Variants in CHODL observed in about 807,000 individuals in gnomAD.
CHODL encodes the protein chondrolectin.
A neutral mutation model predicts 34.5 loss-of-function variants in CHODL; 29 were observed. That is an observed-to-expected ratio of 0.84 (90% CI 0.63 to 1.15). The LOEUF is 1.15. Among genes scored for constraint, CHODL ranks in the 50% most tolerant of loss-of-function variants. The pLI, the probability that CHODL is intolerant of heterozygous loss-of-function variation, is 0.00. For missense variants in CHODL, 332 were observed against 332.5 expected (o/e 1.00, Z 0.01); for synonymous variants, 125 against 116.1 (o/e 1.08, Z -0.49).
At chr21:18,074,143 T>C (rs1475947695) in intron 2 of CHODL, among the ~76,000 whole-genome samples, 2 of 152,130 alleles carry the variant, frequency 1.3e-5, no homozygotes, top group African/African-American at 4.8e-5. Context: ...ATTGATTATA[T>C]AGAAAATAGC....
At chr21:17,949,373 T>C (rs1421036193) in intron 1 of CHODL, among the ~76,000 whole-genome samples, 1 of 152,174 alleles carries the variant, frequency 6.6e-6, no homozygotes, top group Non-Finnish European at 1.5e-5. Flanking sequence ...ACATGTTAAA[T>C]GTGTATTTGA....
chr21:17,932,337 A>G (rs111944324), intron 1 of CHODL, among the ~76,000 whole-genome samples: 4,555 of 152,274 alleles, frequency 0.03, 190 homozygotes, highest in African/African-American at 0.095. Context: ...AGAAAAGGGA[A>G]CACTTATACA....
intron 2 of CHODL, among the ~76,000 whole-genome samples, chr21:18,143,344 A>T (rs1222294416): frequency 6.6e-6 from 1 of 152,178 alleles, no homozygotes; most frequent in Non-Finnish European, 1.5e-5. Context: ...TTTCTCCAAT[A>T]TCTATTTTTC....
At chr21:18,080,636 G>T (rs377700505) in intron 2 of CHODL, among the ~76,000 whole-genome samples, 7 of 152,094 alleles carry the variant, frequency 4.6e-5, no homozygotes, top group Admixed American at 1.3e-4. Context: ...AGATCAGTTG[G>T]TTGTAGGTAT....
At chr21:18,143,580 C>T (rs542376441) in intron 2 of CHODL, among the ~76,000 whole-genome samples, 20 of 152,162 alleles carry the variant, frequency 1.3e-4, no homozygotes, top group African/African-American at 4.1e-4. Context: ...GTGTTACTTT[C>T]GGCAATTTAC....
At chr21:18,027,360 A>G (rs972932744) in intron 1 of CHODL, among the ~76,000 whole-genome samples, 17 of 152,206 alleles carry the variant, frequency 1.1e-4, no homozygotes, top group African/African-American at 3.9e-4. Flanking sequence ...TTATTAAACT[A>G]AATAGGTATG....
chr21:17,950,855 C>G (rs2063451276), intron 1 of CHODL, among the ~76,000 whole-genome samples: 1 of 152,016 alleles, frequency 6.6e-6, no homozygotes, highest in Admixed American at 6.6e-5. Context: ...GGAAAAAAGT[C>G]TGAAAAAGAG....
At chr21:18,047,425 T>G (rs1600934818) in intron 2 of CHODL, among the ~76,000 whole-genome samples, 1 of 151,932 alleles carries the variant, frequency 6.6e-6, no homozygotes, top group South Asian at 2.1e-4. Context: ...ATATATATTT[T>G]TATATTAAAA....
intron 2 of CHODL, among the ~76,000 whole-genome samples, chr21:18,069,539 A>AATATATATATATATATATATGGAAT (rs71318122): frequency 2.0e-5 from 3 of 147,512 alleles, no homozygotes; most frequent in Non-Finnish European, 4.5e-5. Context: ...ATATATGTGG[A>AATATATATATATATATATATGGAAT]ATATATATAT....
At chr21:17,958,118 C>G (rs2063506409) in intron 1 of CHODL, among the ~76,000 whole-genome samples, 1 of 152,030 alleles carries the variant, frequency 6.6e-6, no homozygotes, top group African/African-American at 2.4e-5. Flanking sequence ...GGCACATTTC[C>G]TGTCATTGTT....
At chr21:17,980,115 A>T (rs1378573922) in intron 1 of CHODL, among the ~76,000 whole-genome samples, 3 of 135,554 alleles carry the variant, frequency 2.2e-5, no homozygotes, top group Admixed American at 7.7e-5. Context: ...TTTGGTCTGG[A>T]GACAAAAATC....
intron 3 of CHODL, among the ~76,000 whole-genome samples, chr21:18,258,472 GTATTA>G (rs1220426416): frequency 7.6e-6 from 1 of 131,544 alleles, no homozygotes; most frequent in African/African-American, 2.4e-5. Flanking sequence ...ACCCTTCATT[GTATTA>G]TATTTATTTT....
At chr21:17,925,704 ATTCC>A (rs1212816762) in intron 1 of CHODL, among the ~76,000 whole-genome samples, 1 of 152,192 alleles carries the variant, frequency 6.6e-6, no homozygotes, top group Non-Finnish European at 1.5e-5. Flanking sequence ...GATTTGGATG[ATTCC>A]TATTTTTGTT....
chr21:17,966,277 C>T (rs1432784781), intron 1 of CHODL, among the ~76,000 whole-genome samples: 1 of 152,080 alleles, frequency 6.6e-6, no homozygotes, highest in African/African-American at 2.4e-5. Context: ...TTCTTTCTAA[C>T]AGATTGTGGA....
chr21:18,127,506 T>C (rs2065560956), intron 2 of CHODL, among the ~76,000 whole-genome samples: 1 of 152,100 alleles, frequency 6.6e-6, no homozygotes, highest in South Asian at 2.1e-4. Flanking sequence ...AGCTTGAATA[T>C]GCTCACAGTG....
chr21:17,964,519 G>C (rs1242760762), intron 1 of CHODL, among the ~76,000 whole-genome samples: 1 of 152,234 alleles, frequency 6.6e-6, no homozygotes. Context: ...TTCAGAGTAA[G>C]TGGGTATATA....
At chr21:18,208,377 T>A (rs1350602897) in intron 2 of CHODL, among the ~76,000 whole-genome samples, 1 of 152,192 alleles carries the variant, frequency 6.6e-6, no homozygotes, top group African/African-American at 2.4e-5. Context: ...GGATTCTGAA[T>A]TCCTTCTCTG....
chr21:18,110,038 T>C (rs2146559998), intron 2 of CHODL, among the ~76,000 whole-genome samples: 1 of 152,288 alleles, frequency 6.6e-6, no homozygotes, highest in East Asian at 1.9e-4. Context: ...GCTGGGAGTG[T>C]TGTGCTGAGG....
At chr21:18,207,252 T>C (rs1767565052) in intron 2 of CHODL, among the ~76,000 whole-genome samples, 1 of 152,232 alleles carries the variant, frequency 6.6e-6, no homozygotes, top group Non-Finnish European at 1.5e-5. Flanking sequence ...TCATGGTGTA[T>C]GTGTGCCACA....
Sources: allele counts gnomAD v4.1 joint callset (sites outside exome capture counted in the v4.1 genomes callset), GRCh38; gene constraint gnomAD v4.1.1; transcripts MANE v1.5; gene names NCBI Gene and HGNC (gene_info 2026-07-23, HGNC 2026-07-21).